Variants in ZMYND12 observed in about 807,000 individuals in gnomAD.
ZMYND12 encodes the protein zinc finger MYND-type containing 12.
ZMYND12 carries 32 observed loss-of-function variants against 41.7 expected under a neutral mutation model. The ratio of observed to expected loss-of-function variants is 0.77; its 90% CI spans 0.58 to 1.03. ZMYND12 has a LOEUF of 1.03. Ranked by LOEUF, ZMYND12 falls within the 50% of genes least tolerant of loss-of-function variation. The pLI is 0.00. For synonymous variants in ZMYND12, 148 were observed against 164.8 expected (o/e 0.90, Z 0.78); for missense variants, 424 against 438.5 (o/e 0.97, Z 0.30).
Position 42,451,468 on chromosome 1 carries a change from A to C in ZMYND12, c.111-1409T>G, listed in dbSNP as rs374744258. ...TTCAAAACAGGTAACAATAATCTAG[A>C]GGAGGGATCAGAAAAGCTTTTCTGT... On this transcript the variant is annotated intron_variant, in intron 1 of 7. Transcript: ENST00000372565. Among the ~76,000 whole-genome samples, 5 of 152,302 alleles carry C rather than the reference A, an allele frequency of 3.3e-5. No homozygotes were observed. The South Asian group carries it at 1.0e-3, about 32-fold the overall frequency.
chr1:42,432,337 C>G (rs970360419), intron 7 of ZMYND12, among the ~76,000 whole-genome samples: 2 of 152,152 alleles, frequency 1.3e-5, no homozygotes, highest in Non-Finnish European at 2.9e-5. Flanking sequence ...ACTGGGAATA[C>G]AGTCATGAGA....
At chr1:42,450,430 C>T (rs796627331) in intron 1 of ZMYND12, among the ~76,000 whole-genome samples, 3 of 152,290 alleles carry the variant, frequency 2.0e-5, no homozygotes, top group African/African-American at 7.2e-5. Context: ...TTTTCTAGGC[C>T]AGTCAACCTA....
chr1:42,448,395 CTT>C, intron 3 of ZMYND12, 70 bp downstream of exon 3: 22 of 1,427,830 alleles, frequency 1.5e-5, no homozygotes, highest in Non-Finnish European at 2.0e-5. Context: ...AAGGGTGACT[CTT>C]TGATCATTGG....
chr1:42,435,385 C>T lies in ZMYND12; in HGVS notation c.718G>A (p.Val240Ile). The T allele has an allele frequency of 1.2e-6, 2 of 1,610,220 alleles. No homozygotes were observed. The part of the protein sequence containing the change: ...LDLADTLYTK[V>I]SEIWHAYLNN... ...AAATATGCATGCCAGATCTCAGAGA[C>T]CTGTTGGGAAAAGAGATGGTAATAC... is the stretch of plus-strand genomic sequence containing the variant. Residue 240 changes from valine (V) to isoleucine (I), a missense_variant and splice_region_variant, in exon 6 of 8, where the codon GTC (valine) becomes ATC (isoleucine). Val to Ile is a conservative substitution (Grantham distance 29). Transcript: ENST00000372565.
intron 4 of ZMYND12, 79 bp downstream of exon 4, chr1:42,439,777 T>A: frequency 1.6e-5 from 22 of 1,415,610 alleles, no homozygotes; most frequent in Non-Finnish European, 2.0e-5. Context: ...TTTAAAAAAA[T>A]TAAACAGATT....
chr1:42,432,235 T>A lies in ZMYND12; in HGVS notation c.975+908A>T, dbSNP rs530567291. ...CTAGCCCGGCTGATCTTTTTATTTT[T>A]ATTTTTAGTAGAGAGTGGGTCTCAT... On this transcript the variant is annotated intron_variant, in intron 7 of 7. Transcript: ENST00000372565. Among the ~76,000 whole-genome samples, 3 of 151,930 alleles carry A rather than the reference T, an allele frequency of 2.0e-5. No homozygotes were observed. In the South Asian group the frequency reaches 6.2e-4, roughly 32 times the overall value.
intron 3 of ZMYND12, among the ~76,000 whole-genome samples, chr1:42,444,228 A>G (rs1429860878): frequency 6.6e-6 from 1 of 152,170 alleles, no homozygotes; most frequent in East Asian, 1.9e-4. Flanking sequence ...AGAGCATCCC[A>G]GGCAGAAGGA....
chr1:42,443,922 C>A (rs926330497), intron 3 of ZMYND12, among the ~76,000 whole-genome samples: 2 of 152,050 alleles, frequency 1.3e-5, no homozygotes, highest in African/African-American at 4.8e-5. Context: ...AACACAGTAA[C>A]CAAAATCCTA....
rs957877379 is a variant in ZMYND12 at position 42,435,461 on chromosome 1, C to T, written c.718-76G>A. The T allele has an allele frequency of 2.4e-5, 27 of 1,129,682 alleles. No individual in the cohort carries two copies. In the African/African-American group the frequency reaches 3.4e-4, roughly 14 times the overall value. 70.0% of individuals were successfully genotyped at this position (1,129,682 alleles called of 1,614,324 possible). A position where few individuals can be genotyped will look rare whatever the true frequency, so the allele number is the denominator to read the frequency against. On this transcript the variant is annotated intron_variant, in intron 5 of 7. Transcript: ENST00000372565. ...CGGACCAGGCAGGTGAGGAGAGTAGCGCATTTGGCCGGGCTTCTGGACAAC... is the reference window on the plus strand; with the variant it reads ...CGGACCAGGCAGGTGAGGAGAGTAGTGCATTTGGCCGGGCTTCTGGACAAC...
chr1:42,439,777 T>C, intron 4 of ZMYND12, 79 bp downstream of exon 4: 1 of 1,415,610 alleles, frequency 7.1e-7, no homozygotes, highest in Non-Finnish European at 9.5e-7. Context: ...TTTAAAAAAA[T>C]TAAACAGATT....
intron 1 of ZMYND12, 112 bp downstream of exon 1, chr1:42,455,776 G>A (rs1410565887): frequency 1.4e-6 from 1 of 737,110 alleles, no homozygotes; most frequent in Non-Finnish European, 2.2e-6. Flanking sequence ...CCGTTTTGAG[G>A]TGTCCCTTGC....
chr1:42,432,943 G>A (rs761127319), intron 7 of ZMYND12, 200 bp downstream of exon 7: 13 of 594,948 alleles, frequency 2.2e-5, no homozygotes, highest in Middle Eastern at 4.5e-4. Flanking sequence ...GGGAACCCTC[G>A]GGGGAAGAAG....
intron 3 of ZMYND12, among the ~76,000 whole-genome samples, chr1:42,442,036 G>A (rs1171225929): frequency 6.6e-6 from 1 of 152,156 alleles, no homozygotes; most frequent in Non-Finnish European, 1.5e-5. Flanking sequence ...TGTAGGGACT[G>A]TATCGGCCTG....
chr1:42,437,687 A>G (rs1414164383), intron 4 of ZMYND12, among the ~76,000 whole-genome samples: 3 of 106,316 alleles, frequency 2.8e-5, no homozygotes, highest in Non-Finnish European at 6.0e-5. Context: ...TAATTTTCAT[A>G]TTTTTTTTTT....
intron 2 of ZMYND12, among the ~76,000 whole-genome samples, chr1:42,449,151 T>C (rs1643054217): frequency 6.6e-6 from 1 of 152,228 alleles, no homozygotes; most frequent in African/African-American, 2.4e-5. Context: ...TTTAGAGATT[T>C]ATGGCTTATA....
intron 7 of ZMYND12, 112 bp from the exon 8 acceptor site, chr1:42,430,970 C>T: frequency 2.8e-6 from 4 of 1,413,472 alleles, no homozygotes; most frequent in Admixed American, 2.1e-5. Context: ...CACCTTTTCA[C>T]ACCACCCACT....
intron 4 of ZMYND12, among the ~76,000 whole-genome samples, chr1:42,437,350 C>CTAA (rs919770684): frequency 4.1e-4 from 62 of 151,848 alleles, no homozygotes; most frequent in Admixed American, 1.7e-3. Flanking sequence ...CTTGATTGTG[C>CTAA]TAATGGTTGC....
At position 42,449,917 on chromosome 1, in the gene ZMYND12, C is replaced by A. The variant is rs1643065082; in HGVS notation, c.252+1G>T. On this transcript the variant is annotated splice_donor_variant, in intron 2 of 7. Transcript: ENST00000372565. LOFTEE classifies it high-confidence loss of function. The stretch of plus-strand genomic sequence containing the variant: ...ACCTTGGAAAGTGCCGTAGGCCCTA[C>A]CTGCCGCTGCTGCAGCTGCTGCAGG... The A allele has an allele frequency of 6.2e-7, 1 of 1,610,846 alleles. No individual in the cohort carries two copies. Among genetic ancestry groups the A allele is most frequent in the African/African-American group, 1.3e-5 (1 of 75,068 alleles).
rs781643501 is a variant in ZMYND12 at position 42,433,141 on chromosome 1, G to C, written c.975+2C>G. The stretch of plus-strand genomic sequence containing the variant: ...ACGTGTTGCTTTTTTAGGGAAACTT[G>C]CCTTTGAAGAATTCATCATCAGGTA... On this transcript the variant is annotated splice_donor_variant, in intron 7 of 7. Coordinates refer to ENST00000372565, the MANE Select transcript of ZMYND12 (RefSeq NM_032257.5). LOFTEE classifies it high-confidence loss of function. The C allele has an allele frequency of 1.2e-6, 2 of 1,604,712 alleles. No individual in the cohort carries two copies. Among genetic ancestry groups the C allele is most frequent in the Non-Finnish European group, 1.7e-6 (2 of 1,177,242 alleles).
Sources: allele counts gnomAD v4.1 joint callset (sites outside exome capture counted in the v4.1 genomes callset), GRCh38; gene constraint gnomAD v4.1.1; transcripts MANE v1.5; gene names NCBI Gene and HGNC (gene_info 2026-07-23, HGNC 2026-07-21).